The following DNAH12 variants were observed in gnomAD, a reference collection of about 807,000 sequenced individuals.
DNAH12 encodes dynein axonemal heavy chain 12, also known as axonemal beta dynein heavy chain 12.
A neutral mutation model predicts 371.5 loss-of-function variants in DNAH12; 285 were observed. That is an observed-to-expected ratio of 0.77 (90% CI 0.70 to 0.85). The LOEUF (loss-of-function observed/expected upper bound fraction) is 0.85. Among genes scored for constraint, DNAH12 ranks in the 40% least tolerant of loss-of-function variants. The pLI, the probability that DNAH12 is intolerant of heterozygous loss-of-function variation, is 0.00. For missense variants in DNAH12, 3,611 were observed against 3,689.4 expected, an observed-to-expected ratio of 0.98 and a Z score of 0.55; for synonymous variants, 1,200 against 1,213.0, an observed-to-expected ratio of 0.99 and a Z score of 0.22.
At chr3:57,362,308 G>A (rs1446876664) in intron 58 of DNAH12, among the ~76,000 whole-genome samples, 1 of 152,196 alleles carries the variant, frequency 6.6e-6, no homozygotes, top group East Asian at 1.9e-4. Context: ...GCTATTGTGA[G>A]TAGTGCCACA....
intron 2 of DNAH12, among the ~76,000 whole-genome samples, chr3:57,535,789 G>C (rs2069015986): frequency 6.6e-6 from 1 of 150,834 alleles, no homozygotes; most frequent in Non-Finnish European, 1.5e-5. Flanking sequence ...TGATCCTCCT[G>C]CCTTGGCCTC....
At chr3:57,554,576 C>G in the DNAH12 span, among the ~76,000 whole-genome samples, 1 of 152,098 alleles carries the variant, frequency 6.6e-6, no homozygotes, top group Non-Finnish European at 1.5e-5. Context: ...GGACCTCTTT[C>G]TGGTCTACAG....
chr3:57,521,364 C>T (rs140801132), intron 4 of DNAH12, among the ~76,000 whole-genome samples: 143 of 151,942 alleles, frequency 9.4e-4, no homozygotes, highest in African/African-American at 3.2e-3. Context: ...GAATGATTTT[C>T]GCAACTTAGT....
chr3:57,450,077 G>A (rs1360428777), intron 25 of DNAH12, among the ~76,000 whole-genome samples: 3 of 152,122 alleles, frequency 2.0e-5, no homozygotes. Flanking sequence ...GTGAAACCCT[G>A]TCTCTACGAA....
At chr3:57,529,027 T>C (rs2153399701) in intron 2 of DNAH12, among the ~76,000 whole-genome samples, 1 of 152,228 alleles carries the variant, frequency 6.6e-6, no homozygotes, top group Middle Eastern at 3.4e-3. Context: ...CTCAAACTCC[T>C]GACCACAGGT....
At chr3:57,421,772 A>G (rs1199216287) in intron 35 of DNAH12, 66 bp from the exon 36 acceptor site, 24 of 1,521,090 alleles carry the variant, frequency 1.6e-5, no homozygotes, top group Non-Finnish European at 2.1e-5. Flanking sequence ...AGAAACATTA[A>G]CCAAAATTCA....
At chr3:57,512,655 G>C (rs542133222) in intron 4 of DNAH12, 1 of 152,194 alleles carries the variant, frequency 6.6e-6, no homozygotes, top group African/African-American at 2.4e-5. Flanking sequence ...ACAGTATGGC[G>C]ATTCTTCAAG....
Position 57,385,333 on chromosome 3 carries a change from A to AT in DNAH12, c.7683+15dup. 1 of 152,322 alleles carries AT rather than the reference A, an allele frequency of 6.6e-6. No individual in the cohort carries two copies. The highest frequency in any genetic ancestry group is 2.4e-5 in the African/African-American group (1 of 41,584). 9.4% of individuals were successfully genotyped at this position (152,322 alleles called of 1,614,324 possible). On this transcript the variant is annotated intron_variant, in intron 48 of 73. Coordinates refer to ENST00000495027, the MANE Select transcript of DNAH12 (RefSeq NM_001366028.2). ...TCAATTGTCCTTTGACATCAAAAACATTCAGGATACTCTACCTGCATCATA... is the reference window on the plus strand; with the variant it reads ...TCAATTGTCCTTTGACATCAAAAACATTTCAGGATACTCTACCTGCATCATA...
At chr3:57,423,491 G>C (rs1226757623) in intron 35 of DNAH12, among the ~76,000 whole-genome samples, 2 of 152,124 alleles carry the variant, frequency 1.3e-5, no homozygotes, top group Non-Finnish European at 2.9e-5. Context: ...GAAGGGATTT[G>C]GTTAGCAGGA....
chr3:57,373,020 C>T (rs1174885815), intron 55 of DNAH12, among the ~76,000 whole-genome samples: 1 of 152,070 alleles, frequency 6.6e-6, no homozygotes, highest in Non-Finnish European at 1.5e-5. Context: ...GAGTAAATGG[C>T]TATCATTATA....
rs2063930534 is a variant in DNAH12 at position 57,403,420 on chromosome 3, T to TCCTC, written c.6833_6836dup (p.Ser2280ArgfsTer26). ...GACGAGTTAAAGATTGACGACCACT[T>TCCTC]CCTCCAAGACCAACAAGCAAAGCAT... On this transcript the variant is annotated frameshift_variant, in exon 43 of 74. Coordinates refer to ENST00000495027, the MANE Select transcript of DNAH12 (RefSeq NM_001366028.2). LOFTEE classifies it high-confidence loss of function. The TCCTC allele has an allele frequency of 6.4e-7, 1 of 1,551,390 alleles. No individual in the cohort carries two copies. Among genetic ancestry groups the TCCTC allele is most frequent in the African/African-American group, 1.4e-5 (1 of 73,036 alleles).
intron 68 of DNAH12, 126 bp from the exon 69 acceptor site, chr3:57,309,380 G>A (rs1166824477): frequency 1.4e-5 from 11 of 784,038 alleles, no homozygotes; most frequent in Non-Finnish European, 2.2e-5. Context: ...GTACAGTAAT[G>A]TATATAAGTC....
chr3:57,405,270 A>T (rs75581106), intron 41 of DNAH12, 123 bp from the exon 42 acceptor site: 41,275 of 779,188 alleles, frequency 0.053, 3,256 homozygotes, highest in African/African-American at 0.31. Context: ...GGGTAGTAAA[A>T]AATGCACTTA....
chr3:57,419,765 C>G (rs1435422851), intron 36 of DNAH12, among the ~76,000 whole-genome samples: 1 of 152,078 alleles, frequency 6.6e-6, no homozygotes, highest in South Asian at 2.1e-4. Context: ...TTTTAATAAC[C>G]TGAAAAATAT....
intron 17 of DNAH12, among the ~76,000 whole-genome samples, chr3:57,466,824 C>T (rs2066217265): frequency 6.6e-6 from 1 of 152,156 alleles, no homozygotes; most frequent in African/African-American, 2.4e-5. Flanking sequence ...TAGCTCACTG[C>T]AACCTCAAAC....
chr3:57,416,930 T>C (rs1168228584), intron 37 of DNAH12, among the ~76,000 whole-genome samples: 3 of 152,218 alleles, frequency 2.0e-5, no homozygotes, highest in Non-Finnish European at 4.4e-5. Context: ...TCATTTTGAA[T>C]GATAACTTGT....
the DNAH12 span, among the ~76,000 whole-genome samples, chr3:57,549,451 AG>A: frequency 6.9e-6 from 1 of 145,774 alleles, no homozygotes; most frequent in Non-Finnish European, 1.5e-5. Context: ...CAGGAGATGG[AG>A]GTTGCAGTGA....
At position 57,483,427 on chromosome 3, in the gene DNAH12, A is replaced by T. The variant is rs1386760503; in HGVS notation, c.1599T>A (p.Tyr533Ter). The change falls in exon 13 of 74, where the codon TAT becomes TAA. Residue 533 changes from tyrosine to a stop codon, truncating the protein, a stop_gained. Coordinates refer to ENST00000495027, the MANE Select transcript of DNAH12 (RefSeq NM_001366028.2). LOFTEE classifies it high-confidence loss of function. ...TTCCTACAGTCCGGGCTTTTTCTACATAAGATATCAGATCCATCATCTCTT... is the reference window on the plus strand; with the variant it reads ...TTCCTACAGTCCGGGCTTTTTCTACTTAAGATATCAGATCCATCATCTCTT... ...TTEEMMDLISYVEKARTVGIE... is the reference protein window; with the variant it reads ...TTEEMMDLIS The T allele has an allele frequency of 3.9e-6, 6 of 1,551,284 alleles. No individual in the cohort carries two copies. Among genetic ancestry groups the T allele is most frequent in the Non-Finnish European group, 5.2e-6 (6 of 1,146,872 alleles).
chr3:57,416,616 C>T (rs888326443), intron 37 of DNAH12, among the ~76,000 whole-genome samples: 12 of 151,968 alleles, frequency 7.9e-5, no homozygotes, highest in Non-Finnish European at 1.6e-4. Context: ...AGGCTGTTTC[C>T]CAGTGATCTC....
Sources: allele counts gnomAD v4.1 joint callset (sites outside exome capture counted in the v4.1 genomes callset), GRCh38; gene constraint gnomAD v4.1.1; transcripts MANE v1.5; gene names NCBI Gene and HGNC (gene_info 2026-07-23, HGNC 2026-07-21).